The following C8orf34 variants were observed in gnomAD, a reference collection of about 807,000 sequenced individuals.
C8orf34 encodes the protein uncharacterized protein C8orf34.
C8orf34 carries 65 observed loss-of-function variants against 68.3 expected under a neutral mutation model. The observed-to-expected ratio is 0.95, with a 90% CI of 0.78 to 1.17. The LOEUF (loss-of-function observed/expected upper bound fraction) is 1.17. C8orf34 is among the 50% of genes most tolerant of loss of function. The probability of loss-of-function intolerance (pLI) is 0.00; values close to 1 mark genes in which losing one functional copy is unlikely to be tolerated. For missense variants in C8orf34, 664 were observed against 655.4 expected (o/e 1.01, Z -0.14); for synonymous variants, 244 against 241.2 (o/e 1.01, Z -0.11).
At chr8:68,711,257 G>C (rs1821322511) in intron 9 of C8orf34, among the ~76,000 whole-genome samples, 1 of 152,006 alleles carries the variant, frequency 6.6e-6, no homozygotes, top group African/African-American at 2.4e-5. Flanking sequence ...GAGAAAATGA[G>C]GTTCTTTAAC....
chr8:68,771,042 G>A (rs1823321683), intron 10 of C8orf34, among the ~76,000 whole-genome samples: 1 of 152,130 alleles, frequency 6.6e-6, no homozygotes, highest in African/African-American at 2.4e-5. Flanking sequence ...TTATTTGGAA[G>A]ATTGTGGGCA....
chr8:68,619,758 T>C (rs1818332951), intron 7 of C8orf34, among the ~76,000 whole-genome samples: 1 of 152,188 alleles, frequency 6.6e-6, no homozygotes, highest in African/African-American at 2.4e-5. Flanking sequence ...GTATCTCTAA[T>C]GCAAAGCTCC....
chr8:68,542,352 C>G (rs1407472678), intron 7 of C8orf34, among the ~76,000 whole-genome samples: 1 of 152,202 alleles, frequency 6.6e-6, no homozygotes, highest in Non-Finnish European at 1.5e-5. Flanking sequence ...AGAAATATAT[C>G]AAGAGATGTC....
chr8:68,553,010 G>A (rs1248321271), intron 7 of C8orf34, among the ~76,000 whole-genome samples: 1 of 151,964 alleles, frequency 6.6e-6, no homozygotes, highest in Non-Finnish European at 1.5e-5. Flanking sequence ...AGATATTGTT[G>A]TTTTGTTTTA....
intron 7 of C8orf34, among the ~76,000 whole-genome samples, chr8:68,622,793 G>A (rs1327927016): frequency 2.0e-5 from 3 of 152,148 alleles, no homozygotes; most frequent in African/African-American, 7.2e-5. Flanking sequence ...GTAGCCACAG[G>A]GAACAAAAAT....
chr8:68,688,347 C>A (rs1820584814), intron 8 of C8orf34, among the ~76,000 whole-genome samples: 1 of 151,924 alleles, frequency 6.6e-6, no homozygotes, highest in Non-Finnish European at 1.5e-5. Context: ...AAATATGGAA[C>A]CAACCTAAAA....
chr8:68,766,329 A>G (rs536347598), intron 10 of C8orf34, among the ~76,000 whole-genome samples: 473 of 152,344 alleles, frequency 3.1e-3, no homozygotes, highest in African/African-American at 0.011. Flanking sequence ...TTAAAAGAAT[A>G]CATTACATGT....
intron 8 of C8orf34, among the ~76,000 whole-genome samples, chr8:68,685,932 A>G (rs1018358117): frequency 2.6e-5 from 4 of 151,700 alleles, no homozygotes; most frequent in Non-Finnish European, 5.9e-5. Flanking sequence ...ATGCTGATCA[A>G]TTAGAAGTAA....
intron 11 of C8orf34, among the ~76,000 whole-genome samples, chr8:68,783,822 T>C (rs751270550): frequency 4.6e-5 from 7 of 152,164 alleles, no homozygotes; most frequent in Admixed American, 1.3e-4. Flanking sequence ...TCCTCAACTT[T>C]GGCAAAAAAA....
chr8:68,578,952 G>A (rs866347657), intron 7 of C8orf34, among the ~76,000 whole-genome samples: 6 of 151,912 alleles, frequency 3.9e-5, no homozygotes, highest in East Asian at 1.9e-4. Flanking sequence ...ATCAATCCTC[G>A]GCGATTTAGC....
chr8:68,433,085 G>C (rs1810514236), intron 1 of C8orf34, among the ~76,000 whole-genome samples: 2 of 152,156 alleles, frequency 1.3e-5, no homozygotes, highest in African/African-American at 2.4e-5. Context: ...TGTATTCATT[G>C]TCAATTCCAC....
chr8:68,583,803 C>T (rs902107573), intron 7 of C8orf34, among the ~76,000 whole-genome samples: 1 of 151,982 alleles, frequency 6.6e-6, no homozygotes, highest in Non-Finnish European at 1.5e-5. Flanking sequence ...ATCGTGGTCT[C>T]ATTTTCATTT....
intron 1 of C8orf34, among the ~76,000 whole-genome samples, chr8:68,392,529 T>A (rs188030429): frequency 7.1e-6 from 1 of 140,370 alleles, no homozygotes; most frequent in African/African-American, 3.0e-5. Context: ...ATAAAAAAAA[T>A]GTTCTGCCTA....
intron 7 of C8orf34, among the ~76,000 whole-genome samples, chr8:68,570,392 A>G (rs1207810462): frequency 6.6e-6 from 1 of 152,200 alleles, no homozygotes. Flanking sequence ...TTCAACCTAG[A>G]TAGAGTAATG....
chr8:68,676,115 G>A (rs562361374), intron 8 of C8orf34, among the ~76,000 whole-genome samples: 1 of 152,096 alleles, frequency 6.6e-6, no homozygotes, highest in South Asian at 2.1e-4. Context: ...CTAGCTGCTT[G>A]CTTGAGCTCA....
intron 1 of C8orf34, among the ~76,000 whole-genome samples, chr8:68,354,302 C>T (rs1276699415): frequency 6.6e-6 from 1 of 151,960 alleles, no homozygotes; most frequent in Non-Finnish European, 1.5e-5. Flanking sequence ...AGATAACAGA[C>T]CTAATAATCA....
chr8:68,408,365 G>A (rs1303403365), intron 1 of C8orf34, among the ~76,000 whole-genome samples: 1 of 151,828 alleles, frequency 6.6e-6, no homozygotes, highest in Non-Finnish European at 1.5e-5. Context: ...CACAATAAAT[G>A]TAATGCTCTT....
intron 7 of C8orf34, among the ~76,000 whole-genome samples, chr8:68,583,446 T>C (rs1369993629): frequency 6.6e-6 from 1 of 152,186 alleles, no homozygotes; most frequent in Non-Finnish European, 1.5e-5. Context: ...AAATATTTAA[T>C]ATTTGAATCC....
At chr8:68,795,218 C>A (rs9942750) in intron 12 of C8orf34, among the ~76,000 whole-genome samples, 5,702 of 151,922 alleles carry the variant, frequency 0.038, 296 homozygotes, top group East Asian at 0.11. Context: ...ATTTATTTGA[C>A]ATAATTGCCT....
Sources: allele counts gnomAD v4.1 joint callset (sites outside exome capture counted in the v4.1 genomes callset), GRCh38; gene constraint gnomAD v4.1.1; transcripts MANE v1.5; gene names NCBI Gene and HGNC (gene_info 2026-07-23, HGNC 2026-07-21).